The following LAMA3 variants were observed in gnomAD, a reference collection of about 807,000 sequenced individuals.
LAMA3 encodes laminin subunit alpha-3.
LAMA3 carries 281 observed loss-of-function variants against 402.0 expected under a neutral mutation model. The observed-to-expected ratio is 0.70, with a 90% CI of 0.63 to 0.77. The LOEUF (loss-of-function observed/expected upper bound fraction) is 0.77. Among genes scored for constraint, LAMA3 ranks in the 30% least tolerant of loss-of-function variants. LAMA3 has a pLI of 0.00. For synonymous variants in LAMA3, 1,431 were observed against 1,558.4 expected (o/e 0.92, Z 1.93); for missense variants, 3,840 against 4,215.5 (o/e 0.91, Z 2.47).
intron 17 of LAMA3, 130 bp from the exon 18 acceptor site, chr18:23,816,258 A>G (rs1440110531): frequency 2.7e-6 from 2 of 733,110 alleles, no homozygotes; most frequent in East Asian, 5.4e-5. Flanking sequence ...CTTGCCAGAC[A>G]GATGTGGCAG....
chr18:23,861,267 C>T (rs2064212853), intron 34 of LAMA3, among the ~76,000 whole-genome samples: 1 of 152,074 alleles, frequency 6.6e-6, no homozygotes, highest in Admixed American at 6.6e-5. Flanking sequence ...AATAGCAGGC[C>T]ACTGAATTCC....
At chr18:23,873,071 C>T in intron 38 of LAMA3, 1 of 1,614,202 alleles carries the variant, frequency 6.2e-7, no homozygotes, top group Non-Finnish European at 8.5e-7. Flanking sequence ...GGCGGTCAGC[C>T]TGCAGCATGG....
intron 35 of LAMA3, among the ~76,000 whole-genome samples, chr18:23,864,376 A>G (rs535757904): frequency 4.9e-4 from 74 of 152,068 alleles, no homozygotes; most frequent in African/African-American, 1.7e-3. Flanking sequence ...ACAGGTGTGC[A>G]CCACCACACC....
At chr18:23,949,692 C>A in intron 70 of LAMA3, 73 bp from the exon 71 acceptor site, 1 of 1,436,002 alleles carries the variant, frequency 7.0e-7, no homozygotes, top group Non-Finnish European at 9.8e-7. Flanking sequence ...AGCTGCAGTG[C>A]CCTTCGCCTT....
chr18:23,907,788 A>G lies in LAMA3; in HGVS notation c.6868A>G (p.Ser2290Gly). ...DIDAMISSAK[S>G]MVRKANDITD... is the part of the protein sequence containing the mutation. ...TGATGCTATGATCAGTAGTGCAAAG[A>G]GCATGGTCAGAAAGGCCAACGACAT... The change falls in exon 54 of 75, where the codon AGC becomes GGC. Residue 2290 changes from serine (S) to glycine (G), a missense_variant. By Grantham distance (56) the Ser-to-Gly change is moderately conservative. Transcript: ENST00000313654. 1 of 1,614,218 alleles carries G rather than the reference A, an allele frequency of 6.2e-7. No homozygotes were observed. Among genetic ancestry groups the G allele is most frequent in the Non-Finnish European group, 8.5e-7 (1 of 1,180,040 alleles).
chr18:23,837,957 A>G (rs2063620270), intron 25 of LAMA3, among the ~76,000 whole-genome samples: 1 of 152,210 alleles, frequency 6.6e-6, no homozygotes, highest in Non-Finnish European at 1.5e-5. Context: ...CTCCTTCTTA[A>G]AACATAACAA....
intron 1 of LAMA3, among the ~76,000 whole-genome samples, chr18:23,706,203 T>G (rs1049521786): frequency 6.6e-6 from 1 of 152,210 alleles, no homozygotes; most frequent in African/African-American, 2.4e-5. Context: ...AATATACCAC[T>G]GTTAGTTCAT....
intron 52 of LAMA3, among the ~76,000 whole-genome samples, chr18:23,907,061 CTCTT>C (rs2145176361): frequency 6.6e-6 from 1 of 152,324 alleles, no homozygotes; most frequent in East Asian, 1.9e-4. Context: ...CTGGATGAGG[CTCTT>C]TCAACAACAC....
chr18:23,741,054 C>G (rs906077014), intron 2 of LAMA3, among the ~76,000 whole-genome samples: 1 of 151,794 alleles, frequency 6.6e-6, no homozygotes, highest in Non-Finnish European at 1.5e-5. Flanking sequence ...CCCAGGTTCA[C>G]GCCATTCTCC....
intron 60 of LAMA3, among the ~76,000 whole-genome samples, chr18:23,919,587 G>C (rs111368312): frequency 6.6e-6 from 1 of 152,212 alleles, no homozygotes; most frequent in African/African-American, 2.4e-5. Context: ...CAAAGGAAAT[G>C]CTTCCTCTGA....
In LAMA3 at chr18:23,842,382, T is replaced by C; in HGVS notation, c.3337-13T>C. ...GGTTTTTAATTTTTTTTCCTCCTCT[T>C]TTTTCCTCTTAGAATCAAGTGACCC... On this transcript the variant is annotated splice_polypyrimidine_tract_variant and intron_variant, in intron 27 of 74. Transcript: ENST00000313654. 1 of 1,614,146 alleles carries C rather than the reference T, an allele frequency of 6.2e-7. No homozygotes were observed. Among genetic ancestry groups the C allele is most frequent in the African/African-American group, 1.3e-5 (1 of 75,044 alleles).
At position 23,916,569 on chromosome 18, in the gene LAMA3, C is replaced by T. The variant is rs61751706; in HGVS notation, c.7797C>T (p.Asp2599=). ...EPCRRRKEES[D]KNYFEGTGYA... is the part of the protein sequence containing the mutation. ...TTGACAGGAGGAAGGAAGAGTCAGA[C>T]AAAAATTATTTTGAAGGTACGGGCT... The change falls in exon 60 of 75, where the codon GAC becomes GAT. Residue 2599 remains aspartate, a synonymous_variant. Coordinates refer to ENST00000313654, the MANE Select transcript of LAMA3 (RefSeq NM_198129.4). 6.7e-3 allele frequency: 10,756 copies of T among 1,614,004 alleles called. 41 individuals carry two copies. The highest frequency in any genetic ancestry group is 8.1e-3 in the Non-Finnish European group (9,612 of 1,179,908).
chr18:23,835,006 A>G (rs966333423), intron 24 of LAMA3, among the ~76,000 whole-genome samples: 1 of 152,220 alleles, frequency 6.6e-6, no homozygotes, highest in Non-Finnish European at 1.5e-5. Context: ...TTGGAGTTTT[A>G]ACAGAAGCAC....
chr18:23,904,818 G>T, intron 51 of LAMA3, 124 bp downstream of exon 51: 1 of 1,061,350 alleles, frequency 9.4e-7, no homozygotes, highest in Non-Finnish European at 1.4e-6. Flanking sequence ...TTGTTGTATA[G>T]AATAGAACTT....
At chr18:23,835,211 C>G (rs1353477594) in intron 24 of LAMA3, among the ~76,000 whole-genome samples, 2 of 152,190 alleles carry the variant, frequency 1.3e-5, no homozygotes, top group African/African-American at 2.4e-5. Context: ...TTGTCCACGC[C>G]CACCCACCAG....
chr18:23,772,542 T>C (rs2062223998), intron 8 of LAMA3, among the ~76,000 whole-genome samples: 1 of 152,206 alleles, frequency 6.6e-6, no homozygotes, highest in Non-Finnish European at 1.5e-5. Context: ...AAATTTCAAG[T>C]CACAGAAGTG....
At chr18:23,864,671 A>G in intron 35 of LAMA3, 114 bp from the exon 36 acceptor site, 1 of 730,494 alleles carries the variant, frequency 1.4e-6, no homozygotes, top group Non-Finnish European at 2.5e-6. Context: ...CCTTGTTACC[A>G]GGTCGAGTGT....
At chr18:23,710,947 G>T (rs560075867) in intron 1 of LAMA3, among the ~76,000 whole-genome samples, 1 of 152,178 alleles carries the variant, frequency 6.6e-6, no homozygotes, top group South Asian at 2.1e-4. Flanking sequence ...TTTAACTTAA[G>T]CTTGTGGACT....
In LAMA3 at chr18:23,946,000, C is replaced by T. The variant is rs763945917; in HGVS notation, c.9211-144C>T. ...ACAAAACGATGGTGATAGTGATAAC[C>T]GGAGGAAAAAATCTCTCATCTTTTG... On this transcript the variant is annotated intron_variant, in intron 69 of 74. Transcript: ENST00000313654. The T allele has an allele frequency of 8.3e-5, 66 of 799,520 alleles. 2 individuals carry two copies. Among genetic ancestry groups the T allele is most frequent in the Non-Finnish European group, 1.1e-4 (50 of 463,396 alleles). 49.5% of individuals were successfully genotyped at this position (799,520 alleles called of 1,614,324 possible). A position where few individuals can be genotyped will look rare whatever the true frequency, so the allele number is the denominator to read the frequency against.
Sources: allele counts gnomAD v4.1 joint callset (sites outside exome capture counted in the v4.1 genomes callset), GRCh38; gene constraint gnomAD v4.1.1; transcripts MANE v1.5; gene names NCBI Gene and HGNC (gene_info 2026-07-23, HGNC 2026-07-21).